Variants in GRM8 observed in about 807,000 individuals in gnomAD.
GRM8 encodes the protein metabotropic glutamate receptor 8.
A neutral mutation model predicts 87.2 loss-of-function variants in GRM8; 47 were observed. The observed-to-expected ratio is 0.54, with a 90% CI of 0.43 to 0.69. The LOEUF is 0.69. Among genes scored for constraint, GRM8 ranks in the 30% least tolerant of loss-of-function variants. GRM8 has a pLI of 0.00. For missense variants in GRM8, 1,019 were observed against 1,139.2 expected (o/e 0.89, Z 1.52); for synonymous variants, 396 against 404.5 (o/e 0.98, Z 0.25).
intron 2 of GRM8, among the ~76,000 whole-genome samples, chr7:127,128,853 T>C (rs1687877702): frequency 6.6e-6 from 1 of 152,114 alleles, no homozygotes; most frequent in South Asian, 2.1e-4. Context: ...CTGAATTTGT[T>C]CTTCTCCAGT....
intron 7 of GRM8, among the ~76,000 whole-genome samples, chr7:126,669,897 G>T (rs1051042840): frequency 6.6e-6 from 1 of 152,310 alleles, no homozygotes; most frequent in East Asian, 1.9e-4. Context: ...AAAGCCGAAG[G>T]TTCAAACAAG....
intron 3 of GRM8, chr7:127,076,011 A>G (rs576690814): frequency 2.7e-5 from 10 of 375,856 alleles, no homozygotes; most frequent in Non-Finnish European, 4.7e-5. Flanking sequence ...GGCCAATATT[A>G]GGCTTTACAA....
intron 9 of GRM8, among the ~76,000 whole-genome samples, chr7:126,502,874 T>TGAA (rs1809861184): frequency 6.6e-6 from 1 of 152,044 alleles, no homozygotes; most frequent in Non-Finnish European, 1.5e-5. Context: ...GGGACCTTTC[T>TGAA]GTTTCTATGG....
At chr7:126,571,485 C>T (rs1794683674) in intron 8 of GRM8, among the ~76,000 whole-genome samples, 1 of 152,288 alleles carries the variant, frequency 6.6e-6, no homozygotes, top group African/African-American at 2.4e-5. Context: ...GCATTTACCC[C>T]TGGGCAAGAA....
At chr7:127,122,445 T>C (rs1827138576) in intron 2 of GRM8, among the ~76,000 whole-genome samples, 1 of 151,084 alleles carries the variant, frequency 6.6e-6, no homozygotes, top group African/African-American at 2.5e-5. Flanking sequence ...AGAGACTGTA[T>C]GTAAATATCA....
intron 9 of GRM8, among the ~76,000 whole-genome samples, chr7:126,459,701 C>T (rs1239622500): frequency 6.6e-6 from 1 of 151,438 alleles, no homozygotes; most frequent in Non-Finnish European, 1.5e-5. Flanking sequence ...CTCCACTCAC[C>T]CCTTATCCCT....
intron 9 of GRM8, among the ~76,000 whole-genome samples, chr7:126,522,668 T>TTTCCC (rs1328074466): frequency 6.6e-6 from 1 of 152,234 alleles, no homozygotes; most frequent in African/African-American, 2.4e-5. Context: ...AATGCCCAAC[T>TTTCCC]TTCCCTTCTC....
intron 9 of GRM8, among the ~76,000 whole-genome samples, chr7:126,519,860 T>C (rs1340197632): frequency 6.6e-6 from 1 of 152,046 alleles, no homozygotes; most frequent in Admixed American, 6.6e-5. Flanking sequence ...GATTTGACCT[T>C]GGAAGTGAGA....
At chr7:127,139,855 CA>C (rs1204339427) in intron 2 of GRM8, among the ~76,000 whole-genome samples, 1 of 152,064 alleles carries the variant, frequency 6.6e-6, no homozygotes, top group Non-Finnish European at 1.5e-5. Context: ...CCCTAGTAAA[CA>C]TAGTAAACAT....
chr7:127,119,783 C>G (rs1226169838), intron 2 of GRM8, among the ~76,000 whole-genome samples: 2 of 152,186 alleles, frequency 1.3e-5, no homozygotes, highest in African/African-American at 2.4e-5. Flanking sequence ...CACTCTCTTA[C>G]TTGGCCTAAA....
intron 6 of GRM8, among the ~76,000 whole-genome samples, chr7:126,890,769 G>A (rs1391110702): frequency 2.0e-5 from 3 of 151,974 alleles, no homozygotes; most frequent in South Asian, 4.2e-4. Flanking sequence ...GGCCAGAGGG[G>A]CTCCACTTAT....
At chr7:126,996,298 C>A (rs1233172453) in intron 3 of GRM8, among the ~76,000 whole-genome samples, 1 of 152,012 alleles carries the variant, frequency 6.6e-6, no homozygotes, top group Non-Finnish European at 1.5e-5. Context: ...CCGAAAAACA[C>A]AGAATACTAT....
At chr7:126,969,216 G>A (rs1485906902) in intron 3 of GRM8, among the ~76,000 whole-genome samples, 1 of 152,112 alleles carries the variant, frequency 6.6e-6, no homozygotes, top group Non-Finnish European at 1.5e-5. Flanking sequence ...TAAATGGAGT[G>A]GCTGTGGCAA....
chr7:126,661,958 CA>C (rs941548751), intron 7 of GRM8, among the ~76,000 whole-genome samples: 2 of 152,128 alleles, frequency 1.3e-5, no homozygotes, highest in African/African-American at 4.8e-5. Flanking sequence ...ACTGTGTGTG[CA>C]AAGCATATGA....
At chr7:126,693,795 C>T (rs1373241436) in intron 7 of GRM8, among the ~76,000 whole-genome samples, 1 of 151,976 alleles carries the variant, frequency 6.6e-6, no homozygotes, top group Non-Finnish European at 1.5e-5. Flanking sequence ...ATCTCTGTGC[C>T]TTCTTATCAA....
chr7:127,023,659 T>C (rs984433515), intron 3 of GRM8, among the ~76,000 whole-genome samples: 2 of 152,088 alleles, frequency 1.3e-5, no homozygotes, highest in African/African-American at 4.8e-5. Context: ...AGCCAAAAGG[T>C]TTTGATCATT....
At chr7:126,814,518 G>A (rs556498032) in intron 6 of GRM8, among the ~76,000 whole-genome samples, 2 of 152,158 alleles carry the variant, frequency 1.3e-5, no homozygotes, top group African/African-American at 4.8e-5. Flanking sequence ...TTGGTCTTCA[G>A]AAGCAGATGG....
intron 3 of GRM8, among the ~76,000 whole-genome samples, chr7:126,929,597 C>G (rs984831513): frequency 6.6e-6 from 1 of 151,984 alleles, no homozygotes; most frequent in Non-Finnish European, 1.5e-5. Context: ...CTATGCCTGG[C>G]TAATTTTTAT....
intron 2 of GRM8, among the ~76,000 whole-genome samples, chr7:127,114,970 C>T (rs1039413640): frequency 1.3e-5 from 2 of 152,062 alleles, no homozygotes; most frequent in Non-Finnish European, 2.9e-5. Flanking sequence ...AGTCAGAGGT[C>T]GAGGTTGGCA....
Sources: allele counts gnomAD v4.1 joint callset (sites outside exome capture counted in the v4.1 genomes callset), GRCh38; gene constraint gnomAD v4.1.1; transcripts MANE v1.5; gene names NCBI Gene and HGNC (gene_info 2026-07-23, HGNC 2026-07-21).